The following PDE10A variants were observed in gnomAD, a reference collection of about 807,000 sequenced individuals.
PDE10A encodes the protein phosphodiesterase 10A.
A neutral mutation model predicts 97.7 loss-of-function variants in PDE10A; 39 were observed. The observed-to-expected ratio is 0.40, with a 90% CI of 0.31 to 0.52. The LOEUF is 0.52. Ranked by LOEUF, PDE10A falls within the 20% of genes least tolerant of loss-of-function variation. The pLI, the probability that PDE10A is intolerant of heterozygous loss-of-function variation, is 0.56. For missense variants in PDE10A, 731 were observed against 1,047.8 expected (o/e 0.70, Z 4.17); for synonymous variants, 371 against 376.8 (o/e 0.98, Z 0.18).
chr6:165,890,108 GA>G (rs1226794155), intron 1 of PDE10A, among the ~76,000 whole-genome samples: 1 of 135,572 alleles, frequency 7.4e-6, no homozygotes, highest in Non-Finnish European at 1.6e-5. Context: ...ACTCCTCACT[GA>G]CTTCTCCCTC....
At chr6:165,396,184 C>A in intron 14 of PDE10A, 133 bp downstream of exon 14, 1 of 770,088 alleles carries the variant, frequency 1.3e-6, no homozygotes, top group Non-Finnish European at 2.0e-6. Flanking sequence ...CAGAAGCAGA[C>A]AATGGCAACA....
At chr6:165,599,328 ACT>A (rs1441331091) in intron 1 of PDE10A, among the ~76,000 whole-genome samples, 2 of 152,104 alleles carry the variant, frequency 1.3e-5, no homozygotes, top group Non-Finnish European at 2.9e-5. Flanking sequence ...GCTCAATTCA[ACT>A]CACTCCCTCG....
chr6:165,590,376 G>A (rs971502405), intron 1 of PDE10A, among the ~76,000 whole-genome samples: 4 of 152,168 alleles, frequency 2.6e-5, no homozygotes, highest in Non-Finnish European at 5.9e-5. Context: ...AAACCCAGGC[G>A]TCTGCTTCCA....
chr6:165,471,014 G>C (rs960688584), intron 3 of PDE10A, among the ~76,000 whole-genome samples: 1 of 151,952 alleles, frequency 6.6e-6, no homozygotes, highest in African/African-American at 2.4e-5. Context: ...TAAAACAATT[G>C]TATCTATTGC....
chr6:165,777,749 C>G (rs964922747), intron 1 of PDE10A, among the ~76,000 whole-genome samples: 1 of 152,142 alleles, frequency 6.6e-6, no homozygotes, highest in African/African-American at 2.4e-5. Context: ...CAATCTACAT[C>G]TAACACACAG....
Position 165,384,642 on chromosome 6 carries a change from GT to G in PDE10A, c.2610+3655del, listed in dbSNP as rs1785149366. Among the ~76,000 whole-genome samples, 86 of 98,022 alleles carry G rather than the reference GT, an allele frequency of 8.8e-4. 1 individual carries two copies. The highest frequency in any genetic ancestry group is 3.9e-3 in the African/African-American group (73 of 18,766). 64.3% of individuals were successfully genotyped at this position (98,022 alleles called of 152,430 possible). On this transcript the variant is annotated intron_variant, in intron 17 of 21. Coordinates refer to ENST00000539869, the MANE Select transcript of PDE10A (RefSeq NM_001385079.1). ...TGTATGTGTGAGTGAGTGTGTGTGT[GT>G]GTGTGTGTGTGTGTGTGTGTGTGTG... is the stretch of plus-strand genomic sequence containing the variant.
At chr6:165,936,951 A>G (rs1030979533) in intron 1 of PDE10A, among the ~76,000 whole-genome samples, 2 of 152,214 alleles carry the variant, frequency 1.3e-5, no homozygotes, top group Non-Finnish European at 2.9e-5. Flanking sequence ...TGCTGTGAGT[A>G]TGGTTTGCTT....
chr6:165,430,826 C>T (rs1459827292), intron 8 of PDE10A, among the ~76,000 whole-genome samples: 1 of 152,070 alleles, frequency 6.6e-6, no homozygotes, highest in Non-Finnish European at 1.5e-5. Context: ...ACAGTTCTTC[C>T]CTCATCAACC....
chr6:165,426,467 A>T (rs1789175420), intron 10 of PDE10A, among the ~76,000 whole-genome samples: 1 of 152,162 alleles, frequency 6.6e-6, no homozygotes, highest in Non-Finnish European at 1.5e-5. Context: ...ATCATATACA[A>T]AAGTTAACTC....
chr6:165,346,045 C>A (rs544849553), intron 18 of PDE10A, among the ~76,000 whole-genome samples: 1 of 152,086 alleles, frequency 6.6e-6, no homozygotes, highest in South Asian at 2.1e-4. Context: ...AAACATGGAA[C>A]GTAGTTAAGT....
intron 18 of PDE10A, among the ~76,000 whole-genome samples, chr6:165,366,119 C>A (rs1197492603): frequency 6.6e-6 from 1 of 152,016 alleles, no homozygotes; most frequent in East Asian, 1.9e-4. Flanking sequence ...TACAGATAAA[C>A]CTTATACATG....
At chr6:165,658,618 G>A (rs1790081932) in intron 1 of PDE10A, among the ~76,000 whole-genome samples, 1 of 152,240 alleles carries the variant, frequency 6.6e-6, no homozygotes, top group African/African-American at 2.4e-5. Context: ...CACCTGCGCA[G>A]ACAACCTATG....
chr6:165,793,950 G>A (rs1057209493), intron 1 of PDE10A, among the ~76,000 whole-genome samples: 1 of 152,024 alleles, frequency 6.6e-6, no homozygotes, highest in African/African-American at 2.4e-5. Flanking sequence ...TGTAAAATAG[G>A]TATTATGTTT....
intron 2 of PDE10A, among the ~76,000 whole-genome samples, chr6:165,518,741 C>T (rs138570732): frequency 3.9e-5 from 6 of 152,300 alleles, no homozygotes; most frequent in African/African-American, 1.4e-4. Context: ...AATTTTCTGT[C>T]CATGAAACCG....
At chr6:165,797,471 AAGAC>A (rs1562741731) in intron 1 of PDE10A, among the ~76,000 whole-genome samples, 1 of 152,220 alleles carries the variant, frequency 6.6e-6, no homozygotes, top group Admixed American at 6.5e-5. Flanking sequence ...TTCCTCCTAA[AAGAC>A]AGAATCAATT....
At chr6:165,410,758 A>G (rs2128226033) in intron 13 of PDE10A, among the ~76,000 whole-genome samples, 1 of 151,872 alleles carries the variant, frequency 6.6e-6, no homozygotes, top group East Asian at 1.9e-4. Context: ...TAAGACCTTC[A>G]TATAATTGTG....
intron 1 of PDE10A, among the ~76,000 whole-genome samples, chr6:165,934,659 C>A (rs1486623056): frequency 6.6e-6 from 1 of 152,196 alleles, no homozygotes; most frequent in African/African-American, 2.4e-5. Context: ...TACCCAGTAT[C>A]CTGCTTTCCC....
Position 165,351,942 on chromosome 6 carries a change from C to G in PDE10A, c.2784-8440G>C, listed in dbSNP as rs558119975. 2.3e-3 allele frequency among the ~76,000 whole-genome samples: 354 copies of G among 152,256 alleles called. 1 individual carries two copies. The highest frequency in any genetic ancestry group is 2.5e-3 in the Non-Finnish European group (173 of 68,024). On this transcript the variant is annotated intron_variant, in intron 18 of 21. Coordinates refer to ENST00000539869, the MANE Select transcript of PDE10A (RefSeq NM_001385079.1). ...AATCTCAGCTTACTGCAACCTCTGC[C>G]TCCCAGGTTCAAGCAATTCTCCTGC... is the stretch of plus-strand genomic sequence containing the variant.
intron 1 of PDE10A, among the ~76,000 whole-genome samples, chr6:165,594,232 A>G (rs888347140): frequency 4.6e-5 from 7 of 152,338 alleles, no homozygotes; most frequent in Middle Eastern, 3.4e-3. Flanking sequence ...GGCTGATTCC[A>G]GGTCTGAAAT....
Sources: allele counts gnomAD v4.1 joint callset (sites outside exome capture counted in the v4.1 genomes callset), GRCh38; gene constraint gnomAD v4.1.1; transcripts MANE v1.5; gene names NCBI Gene and HGNC (gene_info 2026-07-23, HGNC 2026-07-21).